Variants in FOCAD observed in about 807,000 individuals in gnomAD.
FOCAD encodes KIAA1797.
Under a neutral mutation model 225.6 loss-of-function variants are expected in FOCAD, and 198 were observed. The ratio of observed to expected loss-of-function variants is 0.88; its 90% confidence interval spans 0.78 to 0.99. The LOEUF (loss-of-function observed/expected upper bound fraction) is 0.99. Among genes scored for constraint, FOCAD ranks in the 50% least tolerant of loss-of-function variants. The probability of loss-of-function intolerance (pLI) is 0.00; values close to 1 mark genes in which losing one functional copy is unlikely to be tolerated. For missense variants in FOCAD, 2,713 were observed against 2,123.6 expected (o/e 1.28, Z -5.46); for synonymous variants, 897 against 755.0 (o/e 1.19, Z -3.08).
chr9:20,677,443 A>C (rs1276534357), intron 2 of FOCAD, among the ~76,000 whole-genome samples: 1 of 152,220 alleles, frequency 6.6e-6, no homozygotes, highest in African/African-American at 2.4e-5. Context: ...TTACAGAATG[A>C]GAGAAATATT....
chr9:20,962,405 T>TACACACACAC (rs1212271253), intron 35 of FOCAD, among the ~76,000 whole-genome samples: 80 of 124,228 alleles, frequency 6.4e-4, no homozygotes, highest in Non-Finnish European at 1.2e-3. Context: ...ATATAATATA[T>TACACACACAC]ATATACACAC....
At chr9:20,901,330 G>A (rs1231658232) in intron 21 of FOCAD, among the ~76,000 whole-genome samples, 1 of 151,302 alleles carries the variant, frequency 6.6e-6, no homozygotes, top group Non-Finnish European at 1.5e-5. Context: ...TTTACATGTG[G>A]CAAACATGAA....
At chr9:20,868,736 C>A (rs918330455) in intron 18 of FOCAD, among the ~76,000 whole-genome samples, 3 of 151,680 alleles carry the variant, frequency 2.0e-5, no homozygotes, top group African/African-American at 7.3e-5. Context: ...TAATCCCCTT[C>A]TGGGATATGA....
chr9:20,863,597 G>A (rs1165843003), intron 16 of FOCAD: 1 of 151,998 alleles, frequency 6.6e-6, no homozygotes, highest in African/African-American at 2.4e-5. Context: ...GAATATTTTA[G>A]TTTATTCTTA....
chr9:20,954,097 A>G (rs1424104543), intron 35 of FOCAD, among the ~76,000 whole-genome samples: 1 of 152,184 alleles, frequency 6.6e-6, no homozygotes, highest in Non-Finnish European at 1.5e-5. Context: ...AATTTGTGCT[A>G]TTATTCTAGG....
Position 20,992,372 on chromosome 9 carries a change from G to T in FOCAD, c.5257-881G>T, listed in dbSNP as rs141823113. Reference sequence around the variant, plus strand: ...TTGGGCACAACTGTTCTCATCTACAGAAACATATTTTATTTCAGAAATGGG... The same window carrying T: ...TTGGGCACAACTGTTCTCATCTACATAAACATATTTTATTTCAGAAATGGG... On this transcript the variant is annotated intron_variant, in intron 42 of 43. Transcript: ENST00000338382. Among the ~76,000 whole-genome samples the T allele has an allele frequency of 8.5e-4, 129 of 152,190 alleles. No individual in the cohort carries two copies. The East Asian group carries it at 0.024, about 28-fold the overall frequency.
intron 16 of FOCAD, chr9:20,863,209 T>C (rs1216336901): frequency 6.6e-6 from 1 of 152,148 alleles, no homozygotes; most frequent in Non-Finnish European, 1.5e-5. Flanking sequence ...GTGAAATGCA[T>C]GAGAGGGTAG....
At chr9:20,970,281 A>G (rs77548552) in intron 35 of FOCAD, among the ~76,000 whole-genome samples, 1 of 151,978 alleles carries the variant, frequency 6.6e-6, no homozygotes, top group Non-Finnish European at 1.5e-5. Context: ...TACTTTTTCA[A>G]ATATTCATTC....
intron 15 of FOCAD, among the ~76,000 whole-genome samples, chr9:20,858,164 C>T (rs1338394850): frequency 6.6e-6 from 1 of 151,728 alleles, no homozygotes; most frequent in Non-Finnish European, 1.5e-5. Flanking sequence ...TGAGTAGGAT[C>T]GATATTAGTT....
chr9:20,845,444 T>G (rs201126371), intron 15 of FOCAD, among the ~76,000 whole-genome samples: 55 of 83,406 alleles, frequency 6.6e-4, no homozygotes, highest in East Asian at 3.1e-3. Flanking sequence ...TTTTCCTCGA[T>G]ATATATATAT....
chr9:20,778,173 GT>G (rs1354666413), intron 8 of FOCAD, among the ~76,000 whole-genome samples: 1 of 150,394 alleles, frequency 6.6e-6, no homozygotes, highest in Non-Finnish European at 1.5e-5. Context: ...GAATTATTTG[GT>G]TTATAGCATC....
intron 21 of FOCAD, among the ~76,000 whole-genome samples, chr9:20,896,170 T>C (rs1832069164): frequency 2.0e-5 from 3 of 151,956 alleles, no homozygotes; most frequent in Non-Finnish European, 2.9e-5. Context: ...TAAACATTAA[T>C]TGATTTTCTA....
chr9:20,963,523 G>A (rs1838961399), intron 35 of FOCAD, among the ~76,000 whole-genome samples: 1 of 151,982 alleles, frequency 6.6e-6, no homozygotes, highest in Non-Finnish European at 1.5e-5. Context: ...ATGTAATTTT[G>A]AAAATACTCA....
chr9:20,919,897 C>T (rs1295288650), intron 24 of FOCAD, among the ~76,000 whole-genome samples: 2 of 151,804 alleles, frequency 1.3e-5, no homozygotes, highest in African/African-American at 4.8e-5. Context: ...AGGACATAGG[C>T]ATGGGCAAGG....
intron 11 of FOCAD, among the ~76,000 whole-genome samples, chr9:20,805,253 A>G (rs1368189551): frequency 3.9e-5 from 6 of 152,246 alleles, no homozygotes; most frequent in Non-Finnish European, 2.9e-5. Flanking sequence ...CATACTGAAC[A>G]GTAAATATTT....
intron 11 of FOCAD, among the ~76,000 whole-genome samples, chr9:20,791,379 T>C (rs903775148): frequency 2.0e-5 from 3 of 152,174 alleles, no homozygotes; most frequent in African/African-American, 7.2e-5. Context: ...TACATACTTA[T>C]GGGATACAGA....
At chr9:20,660,729 G>A (rs1821691028) in intron 2 of FOCAD, among the ~76,000 whole-genome samples, 1 of 152,310 alleles carries the variant, frequency 6.6e-6, no homozygotes, top group African/African-American at 2.4e-5. Context: ...TGAAAAGTAG[G>A]AGAAAGCTGG....
chr9:20,967,774 C>T (rs1839397285), intron 35 of FOCAD, among the ~76,000 whole-genome samples: 1 of 151,902 alleles, frequency 6.6e-6, no homozygotes, highest in Middle Eastern at 3.4e-3. Context: ...TATATATTAC[C>T]CTGATTGATT....
chr9:20,817,582 G>A (rs143905728), intron 11 of FOCAD, among the ~76,000 whole-genome samples: 19 of 151,398 alleles, frequency 1.3e-4, no homozygotes, highest in East Asian at 5.8e-4. Context: ...TTATTTATTC[G>A]TCAGTTGATG....
Sources: gnomAD v4.1 joint callset for allele counts (sites outside exome capture counted in the v4.1 genomes callset) on GRCh38, gnomAD v4.1.1 for gene constraint, MANE v1.5 for transcripts, NCBI Gene and HGNC (gene_info 2026-07-23, HGNC 2026-07-21) for gene names.